The following PAQR3 variants were observed in gnomAD, a reference collection of about 807,000 sequenced individuals.
PAQR3 encodes the protein Raf kinase trapping to Golgi.
A neutral mutation model predicts 41.7 loss-of-function variants in PAQR3; 39 were observed. The ratio of observed to expected loss-of-function variants is 0.93; its 90% confidence interval spans 0.72 to 1.22. PAQR3 has a LOEUF of 1.22. Among genes scored for constraint, PAQR3 ranks in the 50% most tolerant of loss-of-function variants. The probability of loss-of-function intolerance (pLI) is 0.00; values close to 1 mark genes in which losing one functional copy is unlikely to be tolerated. For synonymous variants in PAQR3, 140 were observed against 140.6 expected, an observed-to-expected ratio of 1.00 and a Z score of 0.03; for missense variants, 366 against 385.6, an observed-to-expected ratio of 0.95 and a Z score of 0.42.
intron 11 of PAQR3, among the ~76,000 whole-genome samples, chr4:78,897,203 T>TA: frequency 6.6e-6 from 1 of 152,146 alleles, no homozygotes; most frequent in Admixed American, 6.5e-5. Flanking sequence ...TTGATTTTTT[T>TA]AAGCCTTATT....
At chr4:78,894,213 C>T (rs1577967966) in intron 11 of PAQR3, among the ~76,000 whole-genome samples, 1 of 152,154 alleles carries the variant, frequency 6.6e-6, no homozygotes, top group Non-Finnish European at 1.5e-5. Flanking sequence ...TTAAAGTCAC[C>T]AATTGCATTA....
intron 11 of PAQR3, among the ~76,000 whole-genome samples, chr4:78,893,703 T>C (rs1733558408): frequency 6.6e-6 from 1 of 152,140 alleles, no homozygotes; most frequent in South Asian, 2.1e-4. Context: ...GCTGGGACTA[T>C]AGGCATGCAC....
rs1325293358 is a variant in PAQR3 at position 78,915,167 on chromosome 4, G to A, written c.*5372C>T. On this transcript the variant is annotated 3_prime_UTR_variant, in exon 6 of 6. Coordinates refer to ENST00000512733, the MANE Select transcript of PAQR3 (RefSeq NM_001040202.2). ...CTGTGTACGTGTTGGGTATAGTTAC[G>A]ACATTATCCGGATTTGCAAATAGAC... 5 of 151,904 alleles carry A rather than the reference G, an allele frequency of 3.3e-5. No individual in the cohort carries two copies. The highest frequency in any genetic ancestry group is 2.0e-4 in the Admixed American group (3 of 15,218). The allele number at this position is 151,904 out of a possible 1,614,324, so 9.4% of individuals were successfully genotyped here. A position where few individuals can be genotyped will look rare whatever the true frequency, so the allele number is the denominator to read the frequency against.
rs758682120 is a variant in PAQR3 at position 78,926,717 on chromosome 4, T to C, written c.506A>G (p.Tyr169Cys). ...GVFYAFYCNN[Y>C]WRQVYLITVL... ...TGTGATCAAGTACACCTGACGCCAG[T>C]ACTAGAATGAAAGGAAATCACATTT... Residue 169 changes from tyrosine to cysteine, a missense_variant and splice_region_variant, in exon 4 of 6, where the codon TAC (tyrosine) becomes TGC (cysteine). Coordinates refer to ENST00000512733, the MANE Select transcript of PAQR3 (RefSeq NM_001040202.2). 4 of 1,612,320 alleles carry C rather than the reference T, an allele frequency of 2.5e-6. No homozygotes were observed. The highest frequency in any genetic ancestry group is 3.4e-6 in the Non-Finnish European group (4 of 1,178,562).
At chr4:78,932,352 A>T (rs1159117980) in intron 2 of PAQR3, among the ~76,000 whole-genome samples, 3 of 152,156 alleles carry the variant, frequency 2.0e-5, no homozygotes. Flanking sequence ...AAGCACCATA[A>T]ATCAGGAGAA....
At position 78,919,630 on chromosome 4, in the gene PAQR3, G is replaced by A. The variant is rs539990644; in HGVS notation, c.*909C>T. 5 of 985,042 alleles carry A rather than the reference G, an allele frequency of 5.1e-6. No individual in the cohort carries two copies. In the East Asian group the frequency reaches 4.5e-4, roughly 90 times the overall value. The allele number at this position is 985,042 out of a possible 1,614,324, so 61.0% of individuals were successfully genotyped here. ...AAGACAGGGCCATCTAGATTCTATGGCCTTGCAAGTAGCACCCACAATGCT... is the reference window on the plus strand; with the variant it reads ...AAGACAGGGCCATCTAGATTCTATGACCTTGCAAGTAGCACCCACAATGCT... On this transcript the variant is annotated 3_prime_UTR_variant, in exon 6 of 6. Transcript: ENST00000512733.
intron 11 of PAQR3, among the ~76,000 whole-genome samples, chr4:78,890,840 G>T (rs1381754266): frequency 1.3e-5 from 2 of 152,030 alleles, no homozygotes; most frequent in African/African-American, 4.8e-5. Flanking sequence ...TTCTTGGTTT[G>T]TTAGTAAAGC....
chr4:78,938,430 T>C (rs114882151), intron 1 of PAQR3, among the ~76,000 whole-genome samples: 247 of 152,334 alleles, frequency 1.6e-3, no homozygotes, highest in African/African-American at 5.9e-3. Flanking sequence ...TTATGAGCTC[T>C]CTTTACCACA....
intron 2 of PAQR3, 170 bp from the exon 3 acceptor site, chr4:78,930,495 G>T: frequency 2.2e-6 from 1 of 463,942 alleles, no homozygotes. Context: ...TACATGTAGA[G>T]CCATGTAGAG....
Position 78,911,885 on chromosome 4 carries a change from A to G in PAQR3, c.*8654T>C, listed in dbSNP as rs1734639846. The G allele has an allele frequency of 3.1e-6, 5 of 1,613,824 alleles. No individual in the cohort carries two copies. The highest frequency in any genetic ancestry group is 4.2e-6 in the Non-Finnish European group (5 of 1,179,888). On this transcript the variant is annotated 3_prime_UTR_variant, in exon 6 of 6. Transcript: ENST00000512733. The stretch of plus-strand genomic sequence containing the variant: ...CAAAATTCACTACATGGGTCATTCC[A>G]TAGTGCAGATGTATTGAAAATGGAT...
chr4:78,927,973 G>GT (rs1736415165), intron 3 of PAQR3, among the ~76,000 whole-genome samples: 1 of 152,140 alleles, frequency 6.6e-6, no homozygotes, highest in Admixed American at 6.5e-5. Flanking sequence ...TCTTTTATAG[G>GT]TCTACAGCAA....
At chr4:78,895,841 A>C (rs1033526656) in intron 11 of PAQR3, among the ~76,000 whole-genome samples, 40 of 152,108 alleles carry the variant, frequency 2.6e-4, no homozygotes, top group Admixed American at 2.4e-3. Flanking sequence ...GGTTCACTGC[A>C]ACCTTGAACT....
downstream of PAQR3, among the ~76,000 whole-genome samples, chr4:78,908,712 T>C (rs1734410103): frequency 6.6e-6 from 1 of 152,212 alleles, no homozygotes; most frequent in African/African-American, 2.4e-5. Context: ...AAATTTTTAG[T>C]ACTCCTCTTC....
intron 2 of PAQR3, 29 bp from the exon 3 acceptor site, chr4:78,930,354 G>C: frequency 6.3e-7 from 1 of 1,583,262 alleles, no homozygotes; most frequent in Non-Finnish European, 8.6e-7. Context: ...AATTAACAAA[G>C]TGACTAAAGA....
intron 11 of PAQR3, among the ~76,000 whole-genome samples, chr4:78,903,745 C>T (rs889642451): frequency 1.3e-5 from 2 of 152,020 alleles, no homozygotes; most frequent in Non-Finnish European, 2.9e-5. Context: ...ACAAAAGAGT[C>T]TTCATCCTGT....
At chr4:78,907,861 G>A (rs1734365466), downstream of PAQR3, among the ~76,000 whole-genome samples, 1 of 152,166 alleles carries the variant, frequency 6.6e-6, no homozygotes, top group African/African-American at 2.4e-5. Flanking sequence ...CGTGAGGTGT[G>A]AATGTTGTGG....
intron 11 of PAQR3, among the ~76,000 whole-genome samples, chr4:78,891,677 G>A (rs1053528040): frequency 9.2e-5 from 14 of 152,222 alleles, no homozygotes; most frequent in Admixed American, 9.2e-4. Context: ...TAATTTGTCT[G>A]AGGATACTTT....
Position 78,919,189 on chromosome 4 carries a change from C to T in PAQR3, c.*1350G>A. On this transcript the variant is annotated 3_prime_UTR_variant, in exon 6 of 6. Transcript: ENST00000512733. ...AAGGCATTTTGGGAATAAGCTTCAT[C>T]ATCAATTAACATTTTTTCTGATATT... 1.0e-6 allele frequency: 1 copy of T among 985,070 alleles called. No homozygotes were observed. The highest frequency in any genetic ancestry group is 1.2e-6 in the Non-Finnish European group (1 of 829,746). 61.0% of individuals were successfully genotyped at this position (985,070 alleles called of 1,614,324 possible). A position where few individuals can be genotyped will look rare whatever the true frequency, so the allele number is the denominator to read the frequency against.
downstream of PAQR3, among the ~76,000 whole-genome samples, chr4:78,909,767 AT>A (rs1734485111): frequency 6.6e-6 from 1 of 152,098 alleles, no homozygotes; most frequent in Non-Finnish European, 1.5e-5. Flanking sequence ...ACTAGTCACA[AT>A]TTATGTTTAC....
Sources: allele counts gnomAD v4.1 joint callset (sites outside exome capture counted in the v4.1 genomes callset), GRCh38; gene constraint gnomAD v4.1.1; transcripts MANE v1.5; gene names NCBI Gene and HGNC (gene_info 2026-07-23, HGNC 2026-07-21).